Variants in ABCC4 observed in about 807,000 individuals in gnomAD.
ABCC4 encodes the protein ATP binding cassette subfamily C member 4 (PEL blood group).
ABCC4 carries 102 observed loss-of-function variants against 168.5 expected under a neutral mutation model. The observed-to-expected ratio is 0.61, with a 90% CI of 0.52 to 0.71. The LOEUF is 0.71. Ranked by LOEUF, ABCC4 falls within the 30% of genes least tolerant of loss-of-function variation. The pLI is 0.00. For missense variants in ABCC4, 1,402 were observed against 1,605.8 expected, an observed-to-expected ratio of 0.87 and a Z score of 2.17; for synonymous variants, 617 against 590.7, an observed-to-expected ratio of 1.04 and a Z score of -0.65.
chr13:95,188,111 T>C (rs1263849358), intron 10 of ABCC4, among the ~76,000 whole-genome samples: 2 of 152,176 alleles, frequency 1.3e-5, no homozygotes, highest in East Asian at 3.8e-4. Flanking sequence ...CCTCCAGATG[T>C]CTTGTAGCAT....
chr13:95,067,486 C>G (rs1255125290), intron 25 of ABCC4, among the ~76,000 whole-genome samples: 1 of 152,100 alleles, frequency 6.6e-6, no homozygotes, highest in East Asian at 1.9e-4. Context: ...AAATTGCTTA[C>G]CGGAGAGCAA....
At chr13:95,142,387 G>C (rs2036346782) in intron 19 of ABCC4, among the ~76,000 whole-genome samples, 1 of 152,162 alleles carries the variant, frequency 6.6e-6, no homozygotes, top group Non-Finnish European at 1.5e-5. Context: ...CTATGGGGAT[G>C]CAAAGGCATA....
chr13:95,069,592 T>C (rs1330766749), intron 25 of ABCC4, among the ~76,000 whole-genome samples: 1 of 152,172 alleles, frequency 6.6e-6, no homozygotes, highest in Non-Finnish European at 1.5e-5. Flanking sequence ...ACTGAAACTC[T>C]GTACCCATTA....
Position 95,181,657 on chromosome 13 carries a change from T to A in ABCC4, c.1546-3566A>T, listed in dbSNP as rs116158965. Among the ~76,000 whole-genome samples, 1,146 of 152,278 alleles carry A rather than the reference T, an allele frequency of 7.5e-3. 17 individuals carry two copies. The highest frequency in any genetic ancestry group is 0.026 in the African/African-American group (1,095 of 41,558). ...TGATGCCTGGTGTTATCTCTAACCT[T>A]CATGACAACCTGCCAAGTAAGTAGT... On this transcript the variant is annotated intron_variant, in intron 11 of 30. Transcript: ENST00000645237.
intron 1 of ABCC4, among the ~76,000 whole-genome samples, chr13:95,272,954 C>T (rs2040881725): frequency 6.6e-6 from 1 of 152,108 alleles, no homozygotes; most frequent in Admixed American, 6.6e-5. Flanking sequence ...TGCTACCTAA[C>T]ACAAAATCAT....
Position 95,282,320 on chromosome 13 carries a change from C to T in ABCC4, c.74+18921G>A, listed in dbSNP as rs556408870. ...GTCAAGCTCTGGAAGTGAAAGGCTT[C>T]TTCAAAGACAGGAAAGTCCCACTGA... On this transcript the variant is annotated intron_variant, in intron 1 of 30. Coordinates refer to ENST00000645237, the MANE Select transcript of ABCC4 (RefSeq NM_005845.5). Among the ~76,000 whole-genome samples, 6 of 152,154 alleles carry T rather than the reference C, an allele frequency of 3.9e-5. 1 individual carries two copies. Among genetic ancestry groups the T allele is most frequent in the African/African-American group, 1.4e-4 (6 of 41,528 alleles).
At chr13:95,278,182 T>C (rs1323228661) in intron 1 of ABCC4, among the ~76,000 whole-genome samples, 2 of 152,168 alleles carry the variant, frequency 1.3e-5, no homozygotes, top group Middle Eastern at 3.2e-3. Flanking sequence ...AATCATTACT[T>C]TGGATAAAAG....
chr13:95,250,378 T>A lies in ABCC4; in HGVS notation c.75-2625A>T, dbSNP rs535057648. On this transcript the variant is annotated intron_variant, in intron 1 of 30. Coordinates refer to ENST00000645237, the MANE Select transcript of ABCC4 (RefSeq NM_005845.5). Reference sequence around the variant, plus strand: ...TAGGAGTACAATGCTTTCAGGGCAATGACTACTGCCATATTATTTGGAATC... The same window carrying A: ...TAGGAGTACAATGCTTTCAGGGCAAAGACTACTGCCATATTATTTGGAATC... 2.6e-5 allele frequency among the ~76,000 whole-genome samples: 4 copies of A among 152,202 alleles called. No homozygotes were observed. In the South Asian group the frequency reaches 6.2e-4, roughly 24 times the overall value.
chr13:95,040,314 CT>C (rs2032300643), intron 29 of ABCC4, among the ~76,000 whole-genome samples: 1 of 152,194 alleles, frequency 6.6e-6, no homozygotes, highest in Non-Finnish European at 1.5e-5. Context: ...TCACTGCAAC[CT>C]CCGCCTCCCA....
At chr13:95,275,639 C>CT (rs2040954016) in intron 1 of ABCC4, among the ~76,000 whole-genome samples, 1 of 151,698 alleles carries the variant, frequency 6.6e-6, no homozygotes, top group Non-Finnish European at 1.5e-5. Context: ...AATCAACTCT[C>CT]TCAGCAGCAC....
Position 95,031,093 on chromosome 13 carries a change from G to A in ABCC4, c.3870+3512C>T, listed in dbSNP as rs534270102. On this transcript the variant is annotated intron_variant, in intron 30 of 30. Coordinates refer to ENST00000645237, the MANE Select transcript of ABCC4 (RefSeq NM_005845.5). ...GTTGATTTAGACTAATCCTCATGGT[G>A]TTACAGTTGTGAATGATGCATTGAT... 3.3e-5 allele frequency among the ~76,000 whole-genome samples: 5 copies of A among 152,338 alleles called. No individual in the cohort carries two copies. The East Asian group carries it at 9.6e-4, about 29-fold the overall frequency.
chr13:95,221,405 T>G (rs142066061), intron 4 of ABCC4, among the ~76,000 whole-genome samples: 751 of 152,220 alleles, frequency 4.9e-3, no homozygotes, highest in Non-Finnish European at 8.2e-3. Context: ...ATTTTTGTAT[T>G]TTTTGTAGAA....
chr13:95,102,970 T>C (rs1476638713), intron 20 of ABCC4, among the ~76,000 whole-genome samples: 1 of 150,392 alleles, frequency 6.6e-6, no homozygotes, highest in East Asian at 2.0e-4. Context: ...CTCACACCTT[T>C]AAAACCTGAA....
intron 4 of ABCC4, among the ~76,000 whole-genome samples, chr13:95,221,628 T>C (rs1267075125): frequency 6.8e-6 from 1 of 146,786 alleles, no homozygotes; most frequent in African/African-American, 2.5e-5. Flanking sequence ...AAGCACAAAA[T>C]ACAAATTCTA....
At chr13:95,245,521 A>T (rs2040082251) in intron 3 of ABCC4, among the ~76,000 whole-genome samples, 1 of 152,206 alleles carries the variant, frequency 6.6e-6, no homozygotes, top group African/African-American at 2.4e-5. Context: ...GGGACACCCC[A>T]GCACAGGTTG....
chr13:95,218,861 A>G (rs1438468773), intron 4 of ABCC4, among the ~76,000 whole-genome samples: 2 of 145,714 alleles, frequency 1.4e-5, no homozygotes, highest in Admixed American at 7.0e-5. Flanking sequence ...AAAAGAAAAA[A>G]AAAGAAAAGA....
intron 20 of ABCC4, among the ~76,000 whole-genome samples, chr13:95,096,451 T>C (rs2034601430): frequency 6.6e-6 from 1 of 152,004 alleles, no homozygotes; most frequent in Non-Finnish European, 1.5e-5. Flanking sequence ...TTTCCAAAAT[T>C]AAATAAAAAT....
At chr13:95,091,427 A>C (rs932579578) in intron 20 of ABCC4, among the ~76,000 whole-genome samples, 7 of 152,234 alleles carry the variant, frequency 4.6e-5, no homozygotes, top group Non-Finnish European at 8.8e-5. Context: ...AGGAAAACCT[A>C]TCAGATTAAC....
At chr13:95,232,541 G>A (rs1194902645) in intron 4 of ABCC4, among the ~76,000 whole-genome samples, 4 of 152,096 alleles carry the variant, frequency 2.6e-5, no homozygotes, top group East Asian at 3.9e-4. Flanking sequence ...GCTGGGTGTG[G>A]TGGCCCATGT....
Sources: allele counts gnomAD v4.1 joint callset (sites outside exome capture counted in the v4.1 genomes callset), GRCh38; gene constraint gnomAD v4.1.1; transcripts MANE v1.5; gene names NCBI Gene and HGNC (gene_info 2026-07-23, HGNC 2026-07-21).